The following OSBPL1A variants were observed in gnomAD, a reference collection of about 807,000 sequenced individuals.
The protein encoded by OSBPL1A is oxysterol-binding protein-related protein 1.
Under a neutral mutation model 137.1 loss-of-function variants are expected in OSBPL1A, and 80 were observed. The ratio of observed to expected loss-of-function variants is 0.58; its 90% CI spans 0.49 to 0.70. The LOEUF (loss-of-function observed/expected upper bound fraction) is 0.70. Ranked by LOEUF, OSBPL1A falls within the 30% of genes least tolerant of loss-of-function variation. The probability of loss-of-function intolerance (pLI) is 0.00; values close to 1 mark genes in which losing one functional copy is unlikely to be tolerated. For synonymous variants in OSBPL1A, 365 were observed against 389.7 expected (o/e 0.94, Z 0.75); for missense variants, 970 against 1,129.4 (o/e 0.86, Z 2.02).
intron 9 of OSBPL1A, 60 bp from the exon 10 acceptor site, chr18:24,317,460 G>T: frequency 1.5e-6 from 2 of 1,304,594 alleles, no homozygotes; most frequent in Non-Finnish European, 2.2e-6. Context: ...ATGCTTGACT[G>T]ATAAAAAGTA....
At chr18:24,170,887 A>G (rs1302464657) in intron 23 of OSBPL1A, among the ~76,000 whole-genome samples, 1 of 152,060 alleles carries the variant, frequency 6.6e-6, no homozygotes, top group Non-Finnish European at 1.5e-5. Context: ...GCTGCAAGCA[A>G]TCCTCCCCAC....
intron 12 of OSBPL1A, among the ~76,000 whole-genome samples, chr18:24,312,773 A>T (rs1217804067): frequency 6.6e-6 from 1 of 152,196 alleles, no homozygotes; most frequent in African/African-American, 2.4e-5. Context: ...TGGAAAATAG[A>T]TTATTTTAAC....
chr18:24,167,477 G>A (rs1174382113), intron 24 of OSBPL1A, 32 bp from the exon 25 acceptor site: 1 of 1,573,382 alleles, frequency 6.4e-7, no homozygotes. Context: ...CAAAATTTAA[G>A]TAGAAAGTTT....
In OSBPL1A at chr18:24,367,935, T is replaced by TTTTA. The variant is rs45530332; in HGVS notation, c.207+351_207+352insTAAA. On this transcript the variant is annotated intron_variant, in intron 3 of 27. Coordinates refer to ENST00000319481, the MANE Select transcript of OSBPL1A (RefSeq NM_080597.4). ...AGATTGTGACATTGTTTTTTCTTTT[T>TTTTA]AATTTTTATTTGTGTATTGACATTA... The TTTTA allele has an allele frequency of 7.6e-3, 1,218 of 161,052 alleles. 16 individuals carry two copies. Among genetic ancestry groups the TTTTA allele is most frequent in the African/African-American group, 0.021 (875 of 41,160 alleles). 10.0% of individuals were successfully genotyped at this position (161,052 alleles called of 1,614,324 possible). A position where few individuals can be genotyped will look rare whatever the true frequency, so the allele number is the denominator to read the frequency against.
At chr18:24,391,306 G>GTAA (rs1907340676) in intron 1 of OSBPL1A, among the ~76,000 whole-genome samples, 1 of 152,182 alleles carries the variant, frequency 6.6e-6, no homozygotes, top group Non-Finnish European at 1.5e-5. Flanking sequence ...GAAATAGGGA[G>GTAA]TAATGTTTAA....
At chr18:24,272,369 C>T in intron 15 of OSBPL1A, 1 of 852,204 alleles carries the variant, frequency 1.2e-6, no homozygotes, top group Non-Finnish European at 1.4e-6. Context: ...TTCGCGTTTA[C>T]GGTTCCAAAA....
At chr18:24,333,883 G>A (rs1433057632) in intron 6 of OSBPL1A, among the ~76,000 whole-genome samples, 1 of 151,802 alleles carries the variant, frequency 6.6e-6, no homozygotes, top group Non-Finnish European at 1.5e-5. Flanking sequence ...TCCTTTATAG[G>A]GTCCTATTTA....
At chr18:24,216,436 G>A (rs975433108) in intron 17 of OSBPL1A, among the ~76,000 whole-genome samples, 4 of 152,230 alleles carry the variant, frequency 2.6e-5, no homozygotes, top group South Asian at 2.1e-4. Context: ...GAACCCGGGA[G>A]GCAGGGGTTG....
intron 15 of OSBPL1A, among the ~76,000 whole-genome samples, chr18:24,263,765 A>G (rs1347590576): frequency 6.6e-6 from 1 of 152,098 alleles, no homozygotes; most frequent in African/African-American, 2.4e-5. Flanking sequence ...CCTCCCGAGT[A>G]GCTGGGATTA....
At chr18:24,211,234 T>C (rs1368421495) in intron 17 of OSBPL1A, among the ~76,000 whole-genome samples, 1 of 152,234 alleles carries the variant, frequency 6.6e-6, no homozygotes, top group Non-Finnish European at 1.5e-5. Context: ...CCCAAAGTGC[T>C]GGGATTTACG....
At chr18:24,241,982 T>C (rs1330924953) in intron 15 of OSBPL1A, among the ~76,000 whole-genome samples, 1 of 152,030 alleles carries the variant, frequency 6.6e-6, no homozygotes, top group African/African-American at 2.4e-5. Flanking sequence ...TGCAGGAACA[T>C]GGATGAAGCT....
chr18:24,331,957 T>G (rs1002721166), intron 7 of OSBPL1A, among the ~76,000 whole-genome samples: 9 of 152,130 alleles, frequency 5.9e-5, no homozygotes, highest in African/African-American at 2.2e-4. Context: ...TAGAAGAAGG[T>G]GATGCCTGGC....
intron 17 of OSBPL1A, among the ~76,000 whole-genome samples, chr18:24,205,800 A>C (rs1457731305): frequency 2.0e-5 from 3 of 152,228 alleles, no homozygotes; most frequent in African/African-American, 7.2e-5. Flanking sequence ...TTCACAGAGA[A>C]AGAGGAATGA....
intron 7 of OSBPL1A, among the ~76,000 whole-genome samples, chr18:24,325,392 T>C (rs1021290828): frequency 1.3e-5 from 2 of 152,198 alleles, no homozygotes; most frequent in Non-Finnish European, 2.9e-5. Context: ...CTGGCAGTTT[T>C]CCTTTTCCTC....
chr18:24,208,886 C>T (rs1599494038), intron 17 of OSBPL1A, among the ~76,000 whole-genome samples: 1 of 152,124 alleles, frequency 6.6e-6, no homozygotes, highest in Admixed American at 6.6e-5. Context: ...TTCTGATGTG[C>T]TCTAAATACC....
intron 21 of OSBPL1A, among the ~76,000 whole-genome samples, chr18:24,173,626 T>C (rs772309194): frequency 6.6e-6 from 1 of 152,230 alleles, no homozygotes; most frequent in Non-Finnish European, 1.5e-5. Flanking sequence ...TTGGCCAGGC[T>C]GGTCTCGAAC....
At chr18:24,213,681 T>C (rs544899520) in intron 17 of OSBPL1A, among the ~76,000 whole-genome samples, 2 of 152,326 alleles carry the variant, frequency 1.3e-5, no homozygotes, top group African/African-American at 4.8e-5. Context: ...AAATTACTTA[T>C]CTATAGTCTA....
intron 15 of OSBPL1A, among the ~76,000 whole-genome samples, chr18:24,259,802 T>G (rs2089397519): frequency 1.3e-5 from 2 of 152,074 alleles, no homozygotes; most frequent in African/African-American, 4.8e-5. Context: ...AATTTCAGTT[T>G]AGTTAAAAAA....
At chr18:24,224,209 T>C (rs543383275) in intron 17 of OSBPL1A, among the ~76,000 whole-genome samples, 2 of 152,322 alleles carry the variant, frequency 1.3e-5, no homozygotes, top group Admixed American at 6.5e-5. Context: ...ACACTTTTTT[T>C]TTCTAGAACA....
Sources: allele counts gnomAD v4.1 joint callset (sites outside exome capture counted in the v4.1 genomes callset), GRCh38; gene constraint gnomAD v4.1.1; transcripts MANE v1.5; gene names NCBI Gene and HGNC (gene_info 2026-07-23, HGNC 2026-07-21).